Variants in MIB1 observed in about 807,000 individuals in gnomAD.
MIB1 encodes the protein MIB E3 ubiquitin protein ligase 1.
In MIB1, 278 loss-of-function variants were observed where a neutral mutation model predicts 124.5. The observed-to-expected ratio is 2.23, with a 90% CI of 2.02 to 2.47. The LOEUF (loss-of-function observed/expected upper bound fraction) is 2.47, where lower values mean the gene tolerates loss of function less well. Ranked by LOEUF, MIB1 falls within the 30% of genes most tolerant of loss-of-function variation. The pLI is 0.00. For missense variants in MIB1, 957 were observed against 1,254.4 expected (o/e 0.76, Z 3.58); for synonymous variants, 446 against 429.4 (o/e 1.04, Z -0.48).
At chr18:21,760,364 A>C (rs922261183) in intron 1 of MIB1, among the ~76,000 whole-genome samples, 1 of 152,306 alleles carries the variant, frequency 6.6e-6, no homozygotes, top group East Asian at 1.9e-4. Flanking sequence ...TTCTTTAAAT[A>C]CCAACTTTTG....
chr18:21,830,125 G>A (rs1034826527), intron 12 of MIB1, among the ~76,000 whole-genome samples: 2 of 151,998 alleles, frequency 1.3e-5, no homozygotes, highest in Non-Finnish European at 2.9e-5. Context: ...AAATCAGAAT[G>A]TAGCAGTAGA....
intron 1 of MIB1, among the ~76,000 whole-genome samples, chr18:21,746,452 C>T (rs1214282981): frequency 6.6e-6 from 1 of 152,060 alleles, no homozygotes; most frequent in South Asian, 2.1e-4. Context: ...TGTCTTGTTT[C>T]GAGATTCATT....
At chr18:21,794,403 G>C (rs2041549795) in intron 7 of MIB1, among the ~76,000 whole-genome samples, 1 of 151,536 alleles carries the variant, frequency 6.6e-6, no homozygotes. Flanking sequence ...AATAGGAAAG[G>C]TGAAAAGTAT....
intron 2 of MIB1, among the ~76,000 whole-genome samples, chr18:21,767,449 C>T (rs905223554): frequency 5.9e-5 from 9 of 152,068 alleles, no homozygotes; most frequent in Admixed American, 2.0e-4. Context: ...CCTCCCTCGA[C>T]GTGTGGGAAT....
Position 21,869,033 on chromosome 18 carries a change from G to C in MIB1, c.*4367G>C, listed in dbSNP as rs907615145. ...TTCCAGCATTTATTCTTATTTGTGA[G>C]TAAAGAGGAAATGGGAACCTGAGGT... On this transcript the variant is annotated 3_prime_UTR_variant, in exon 21 of 21. Transcript: ENST00000261537. The C allele has an allele frequency of 2.6e-5, 4 of 152,376 alleles. No homozygotes were observed. Among genetic ancestry groups the C allele is most frequent in the African/African-American group, 9.7e-5 (4 of 41,404 alleles). 9.4% of individuals were successfully genotyped at this position (152,376 alleles called of 1,614,324 possible).
chr18:21,858,971 A>G (rs1010991893), intron 20 of MIB1, among the ~76,000 whole-genome samples: 1 of 152,232 alleles, frequency 6.6e-6, no homozygotes, highest in Non-Finnish European at 1.5e-5. Context: ...TAGGCAGAAT[A>G]TGTAGCAGCC....
At chr18:21,799,726 A>T in intron 8 of MIB1, 115 bp from the exon 9 acceptor site, 1 of 1,045,008 alleles carries the variant, frequency 9.6e-7, no homozygotes, top group Non-Finnish European at 1.3e-6. Context: ...AAATAACATT[A>T]ATGATGGAAA....
At chr18:21,797,838 C>T (rs1290499674) in intron 7 of MIB1, among the ~76,000 whole-genome samples, 1 of 151,736 alleles carries the variant, frequency 6.6e-6, no homozygotes, top group Non-Finnish European at 1.5e-5. Context: ...TTTATGAACT[C>T]GTATGAATAG....
chr18:21,757,400 C>T (rs546134634), intron 1 of MIB1, among the ~76,000 whole-genome samples: 28 of 114,810 alleles, frequency 2.4e-4, no homozygotes, highest in Non-Finnish European at 2.3e-4. Context: ...TGCAGTGAGC[C>T]GAGATCATGC....
At chr18:21,713,006 G>A (rs1336329773) in intron 1 of MIB1, among the ~76,000 whole-genome samples, 1 of 151,930 alleles carries the variant, frequency 6.6e-6, no homozygotes, top group East Asian at 1.9e-4. Context: ...CCAGACTGGG[G>A]TGCAATGGTC....
At chr18:21,858,673 A>T (rs771995381) in intron 20 of MIB1, 27 bp downstream of exon 20, 1 of 1,103,048 alleles carries the variant, frequency 9.1e-7, no homozygotes, top group Admixed American at 1.7e-5. Context: ...GTAAACAGTG[A>T]TGCTGTGAAT....
chr18:21,731,978 C>A (rs1459553294), intron 1 of MIB1, among the ~76,000 whole-genome samples: 1 of 151,384 alleles, frequency 6.6e-6, no homozygotes, highest in Admixed American at 6.6e-5. Context: ...TGATAATAGT[C>A]TTTTTTACAC....
At chr18:21,719,695 G>C (rs1233074381) in intron 1 of MIB1, among the ~76,000 whole-genome samples, 1 of 148,728 alleles carries the variant, frequency 6.7e-6, no homozygotes, top group Non-Finnish European at 1.5e-5. Flanking sequence ...CTGACCTCAT[G>C]ATCCGCCCTC....
chr18:21,718,830 G>A (rs1025665399), intron 1 of MIB1, among the ~76,000 whole-genome samples: 13 of 152,168 alleles, frequency 8.5e-5, no homozygotes, highest in Non-Finnish European at 4.4e-5. Context: ...GGAGGGTTAT[G>A]AGGTGAGGCC....
chr18:21,747,516 C>T (rs1353273365), intron 1 of MIB1, among the ~76,000 whole-genome samples: 1 of 152,176 alleles, frequency 6.6e-6, no homozygotes, highest in Non-Finnish European at 1.5e-5. Context: ...TTGAGATGCC[C>T]TGCGTTTCTG....
At chr18:21,724,801 G>A (rs2040733847) in intron 1 of MIB1, among the ~76,000 whole-genome samples, 1 of 108,010 alleles carries the variant, frequency 9.3e-6, no homozygotes, top group African/African-American at 3.6e-5. Flanking sequence ...TATAAGAAAT[G>A]ACAAATGTTG....
chr18:21,811,893 C>A (rs898168884), intron 10 of MIB1, among the ~76,000 whole-genome samples: 11 of 151,914 alleles, frequency 7.2e-5, no homozygotes, highest in Non-Finnish European at 1.0e-4. Context: ...GTATATTTTG[C>A]TGCAATAAAA....
chr18:21,764,196 A>G (rs1353660911), intron 1 of MIB1, among the ~76,000 whole-genome samples: 1 of 152,084 alleles, frequency 6.6e-6, no homozygotes, highest in Non-Finnish European at 1.5e-5. Context: ...TTTGTAGTCC[A>G]CTAGGTATCC....
chr18:21,749,943 C>T (rs974651676), intron 1 of MIB1, among the ~76,000 whole-genome samples: 31 of 151,910 alleles, frequency 2.0e-4, no homozygotes, highest in Admixed American at 2.0e-3. Context: ...CACCTGGCTG[C>T]TACCTTACTT....
Sources: allele counts gnomAD v4.1 joint callset (sites outside exome capture counted in the v4.1 genomes callset), GRCh38; gene constraint gnomAD v4.1.1; transcripts MANE v1.5; gene names NCBI Gene and HGNC (gene_info 2026-07-23, HGNC 2026-07-21).